The following PYGB variants were observed in gnomAD, a reference collection of about 807,000 sequenced individuals.
PYGB encodes glycogen phosphorylase B, also known as glycogen phosphorylase, brain form.
Under a neutral mutation model 94.3 loss-of-function variants are expected in PYGB, and 82 were observed. The ratio of observed to expected loss-of-function variants is 0.87; its 90% CI spans 0.73 to 1.04. The LOEUF is 1.04. Among genes scored for constraint, PYGB ranks in the 50% least tolerant of loss-of-function variants. The pLI is 0.00. For missense variants in PYGB, 1,132 were observed against 1,158.2 expected, an observed-to-expected ratio of 0.98 and a Z score of 0.33; for synonymous variants, 488 against 479.1, an observed-to-expected ratio of 1.02 and a Z score of -0.24.
At chr20:25,286,410 C>A (rs975682424) in intron 14 of PYGB, among the ~76,000 whole-genome samples, 1 of 152,150 alleles carries the variant, frequency 6.6e-6, no homozygotes, top group African/African-American at 2.4e-5. Context: ...GCTCTCTGCC[C>A]CCCTCCCTGA....
At chr20:25,284,913 G>A (rs1338923855) in intron 14 of PYGB, 1 of 152,126 alleles carries the variant, frequency 6.6e-6, no homozygotes, top group Non-Finnish European at 1.5e-5. Context: ...GACCCCCAAA[G>A]GTCAATGTGA....
chr20:25,250,586 A>G (rs895573870), intron 1 of PYGB, among the ~76,000 whole-genome samples: 30 of 152,328 alleles, frequency 2.0e-4, no homozygotes, highest in African/African-American at 5.1e-4. Context: ...TAAGCTTGCA[A>G]TCCTTTCTTT....
Position 25,296,395 on chromosome 20 carries a change from T to C in PYGB, c.2405T>C (p.Val802Ala), listed in dbSNP as rs777084935. The change falls in exon 20 of 20, where the codon GTC (valine) becomes GCC (alanine). Residue 802 changes from valine to alanine, a missense_variant. Val to Ala is a moderately conservative substitution (Grantham distance 64). Transcript: ENST00000216962. ...YRNPKEWTKK[V>A]IRNIACSGKF... ...AACCCCAAGGAGTGGACCAAGAAGG[T>C]CATCAGGAACATCGCCTGCTCGGGC... 15 of 1,613,872 alleles carry C rather than the reference T, an allele frequency of 9.3e-6. No homozygotes were observed. The South Asian group carries it at 1.6e-4, about 18-fold the overall frequency.
chr20:25,294,904 C>T, intron 18 of PYGB: 1 of 1,556,952 alleles, frequency 6.4e-7, no homozygotes, highest in Non-Finnish European at 8.8e-7. Flanking sequence ...CCTCCACTTT[C>T]AGCTGCCTTT....
chr20:25,269,048 A>G, intron 2 of PYGB, 81 bp from the exon 3 acceptor site: 1 of 1,230,522 alleles, frequency 8.1e-7, no homozygotes, highest in Non-Finnish European at 1.2e-6. Flanking sequence ...ATAAGCTCAC[A>G]AGACTTACAC....
At position 25,274,626 on chromosome 20, in the gene PYGB, A is replaced by T. The variant is rs765785979; in HGVS notation, c.563A>T (p.Asn188Ile). The T allele has an allele frequency of 7.4e-6, 12 of 1,613,756 alleles. No homozygotes were observed. In the South Asian group the frequency reaches 1.3e-4, roughly 18 times the overall value. The change falls in exon 5 of 20, where the codon AAC (asparagine) becomes ATC (isoleucine). Residue 188 changes from asparagine (N) to isoleucine (I), a missense_variant. Transcript: ENST00000216962. ...GCCGATGACTGGCTGCGCTACGGCA[A>T]CCCCTGGGAGAAAGCGCGGCCTGAG... ...EEADDWLRYG[N>I]PWEKARPEYM...
At chr20:25,293,769 T>C (rs2088497474) in intron 17 of PYGB, 2 of 291,780 alleles carry the variant, frequency 6.9e-6, no homozygotes, top group South Asian at 6.3e-5. Context: ...GCCAAGGTGC[T>C]CCATTTCACT....
At chr20:25,248,499 T>A in intron 1 of PYGB, 78 bp downstream of exon 1, 1 of 1,270,156 alleles carries the variant, frequency 7.9e-7, no homozygotes, top group Non-Finnish European at 9.9e-7. Context: ...CGGGGGTCTC[T>A]GCGGGGCGGC....
At chr20:25,288,877 C>A (rs1248781191) in intron 15 of PYGB, among the ~76,000 whole-genome samples, 1 of 152,178 alleles carries the variant, frequency 6.6e-6, no homozygotes, top group Non-Finnish European at 1.5e-5. Context: ...TTTCAGAGTC[C>A]TAGATGTGCT....
At chr20:25,278,597 G>A in intron 8 of PYGB, 135 bp downstream of exon 8, 1 of 1,296,280 alleles carries the variant, frequency 7.7e-7, no homozygotes, top group Non-Finnish European at 1.0e-6. Flanking sequence ...TCGTCATTCT[G>A]GGCCAGGATC....
intron 15 of PYGB, among the ~76,000 whole-genome samples, chr20:25,289,655 GAA>G (rs376975502): frequency 1.4e-5 from 2 of 145,736 alleles, no homozygotes; most frequent in African/African-American, 2.5e-5. Context: ...GCAAAAAAAA[GAA>G]AAAAAAAAGA....
chr20:25,295,170 T>C, intron 18 of PYGB: 1 of 889,052 alleles, frequency 1.1e-6, no homozygotes, highest in Non-Finnish European at 1.9e-6. Context: ...TGCAAGTCAG[T>C]ATTTCCTGTG....
intron 4 of PYGB, among the ~76,000 whole-genome samples, chr20:25,273,578 T>C (rs1042928668): frequency 2.6e-4 from 40 of 152,214 alleles, no homozygotes; most frequent in African/African-American, 9.6e-4. Context: ...ATGGAGTTAC[T>C]CTGTCACGTG....
At chr20:25,277,570 ACT>A (rs2088325293) in intron 7 of PYGB, among the ~76,000 whole-genome samples, 3 of 151,868 alleles carry the variant, frequency 2.0e-5, no homozygotes, top group African/African-American at 4.8e-5. Context: ...CTCCGAGGAC[ACT>A]CTCTGCCACC....
At chr20:25,294,632 G>A (rs1448683686) in intron 18 of PYGB, 2 of 550,804 alleles carry the variant, frequency 3.6e-6, no homozygotes, top group Admixed American at 3.1e-5. Context: ...AGGGAGCATG[G>A]GCCCAAAACT....
At chr20:25,250,148 C>G (rs2092883549) in intron 1 of PYGB, among the ~76,000 whole-genome samples, 1 of 152,222 alleles carries the variant, frequency 6.6e-6, no homozygotes, top group Non-Finnish European at 1.5e-5. Flanking sequence ...CGCACCCGAC[C>G]CGCAACATCA....
At chr20:25,277,351 T>C (rs2088322395) in intron 7 of PYGB, 25 bp downstream of exon 7, 1 of 1,528,046 alleles carries the variant, frequency 6.5e-7, no homozygotes. Context: ...TGGGCACTCT[T>C]GCTCAGGCCG....
chr20:25,288,549 C>A, intron 15 of PYGB, 66 bp downstream of exon 15: 1 of 1,546,172 alleles, frequency 6.5e-7, no homozygotes, highest in Non-Finnish European at 8.9e-7. Context: ...GGGCAGCCTG[C>A]ACGCTTCTCA....
Position 25,283,284 on chromosome 20 carries a change from A to G in PYGB, c.1620+7A>G. On this transcript the variant is annotated splice_region_variant and intron_variant, in intron 13 of 19. Transcript: ENST00000216962. ...CGTGGCCAAGGTCAAACAGGTAGGC[A>G]TGGCCCTGGCCCCAGCCCCGACCCC... 1 of 1,611,218 alleles carries G rather than the reference A, an allele frequency of 6.2e-7. No homozygotes were observed. Among genetic ancestry groups the G allele is most frequent in the Non-Finnish European group, 8.5e-7 (1 of 1,178,064 alleles).
Sources: gnomAD v4.1 joint callset for allele counts (sites outside exome capture counted in the v4.1 genomes callset) on GRCh38, gnomAD v4.1.1 for gene constraint, MANE v1.5 for transcripts, NCBI Gene and HGNC (gene_info 2026-07-23, HGNC 2026-07-21) for gene names.